Variants in BACH1 observed in about 807,000 individuals in gnomAD.
BACH1 encodes the protein transcription regulator protein BACH1.
A neutral mutation model predicts 52.9 loss-of-function variants in BACH1; 35 were observed. That is an observed-to-expected ratio of 0.66 (90% CI 0.51 to 0.88). BACH1 has a LOEUF of 0.88. Ranked by LOEUF, BACH1 falls within the 40% of genes least tolerant of loss-of-function variation. The pLI, the probability that BACH1 is intolerant of heterozygous loss-of-function variation, is 0.00. For missense variants in BACH1, 808 were observed against 872.6 expected, an observed-to-expected ratio of 0.93 and a Z score of 0.93; for synonymous variants, 321 against 319.6, an observed-to-expected ratio of 1.00 and a Z score of -0.05.
chr21:29,301,855 A>G (rs1032748682), intron 1 of BACH1, among the ~76,000 whole-genome samples: 2 of 152,166 alleles, frequency 1.3e-5, no homozygotes, highest in Admixed American at 1.3e-4. Context: ...TCCCTTGGGA[A>G]GTGGCATTTA....
intron 1 of BACH1, among the ~76,000 whole-genome samples, chr21:29,316,294 C>G (rs2088785817): frequency 1.3e-5 from 2 of 152,080 alleles, no homozygotes; most frequent in Admixed American, 6.6e-5. Context: ...TATATCAAAA[C>G]TTAAATTATG....
chr21:29,306,166 A>AAG (rs990040814), intron 1 of BACH1, among the ~76,000 whole-genome samples: 2 of 118,426 alleles, frequency 1.7e-5, no homozygotes, highest in Admixed American at 1.8e-4. Flanking sequence ...TTGGGTCAGG[A>AAG]AGAGTGTGTG....
At chr21:29,317,864 C>T (rs2088806250) in intron 1 of BACH1, among the ~76,000 whole-genome samples, 1 of 152,064 alleles carries the variant, frequency 6.6e-6, no homozygotes, top group African/African-American at 2.4e-5. Context: ...GTGGTGTTTT[C>T]TCTACTTTAT....
intron 4 of BACH1, among the ~76,000 whole-genome samples, chr21:29,336,935 G>A (rs1459098736): frequency 6.6e-6 from 1 of 152,102 alleles, no homozygotes; most frequent in African/African-American, 2.4e-5. Flanking sequence ...GCCTCCCAAA[G>A]TGCTGGGATT....
chr21:29,310,278 AG>A (rs766949013), intron 1 of BACH1, among the ~76,000 whole-genome samples: 4 of 152,220 alleles, frequency 2.6e-5, no homozygotes, highest in Admixed American at 6.5e-5. Flanking sequence ...GTTTGTTTAT[AG>A]TTATTTATTC....
At chr21:29,356,711 G>A (rs558125675) in intron 2 of BACH1, among the ~76,000 whole-genome samples, 50 of 152,372 alleles carry the variant, frequency 3.3e-4, no homozygotes, top group Non-Finnish European at 5.7e-4. Flanking sequence ...TTCGGGCTAC[G>A]CCCTTGTTTA....
chr21:29,341,696 T>C (rs2089115279), intron 4 of BACH1, among the ~76,000 whole-genome samples: 1 of 152,214 alleles, frequency 6.6e-6, no homozygotes, highest in Non-Finnish European at 1.5e-5. Flanking sequence ...ACCCACCGGC[T>C]GTCTCTAGGC....
intron 1 of BACH1, among the ~76,000 whole-genome samples, chr21:29,317,955 C>G (rs1048413616): frequency 6.6e-6 from 1 of 151,812 alleles, no homozygotes; most frequent in Non-Finnish European, 1.5e-5. Flanking sequence ...GGATTTGAAC[C>G]CAGACAGTGT....
intron 2 of BACH1, among the ~76,000 whole-genome samples, chr21:29,353,144 G>A (rs1172903075): frequency 6.6e-6 from 1 of 152,186 alleles, no homozygotes; most frequent in Non-Finnish European, 1.5e-5. Flanking sequence ...ACCGTGCCTG[G>A]CCGGTTACAG....
chr21:29,356,608 GTAAT>G (rs1242839290), intron 2 of BACH1, among the ~76,000 whole-genome samples: 1 of 152,226 alleles, frequency 6.6e-6, no homozygotes, highest in African/African-American at 2.4e-5. Context: ...CCTTTGTATG[GTAAT>G]TAATTAAGAT....
rs117247059 is a variant in BACH1 at position 29,341,274 on chromosome 21, G to A, written c.1777-1125G>A. On this transcript the variant is annotated intron_variant, in intron 4 of 4. Coordinates refer to ENST00000286800, the MANE Select transcript of BACH1 (RefSeq NM_001186.4). ...GCACTATGAACTAACTTGTCTCAAGGTTAACTGGCAGCCTCAACTCTCCAG... is the reference window on the plus strand; with the variant it reads ...GCACTATGAACTAACTTGTCTCAAGATTAACTGGCAGCCTCAACTCTCCAG... 4.1e-4 allele frequency among the ~76,000 whole-genome samples: 62 copies of A among 152,248 alleles called. 2 individuals carry two copies. In the East Asian group the frequency reaches 0.011, roughly 28 times the overall value.
chr21:29,310,327 G>T (rs986959646), intron 1 of BACH1, among the ~76,000 whole-genome samples: 1 of 152,222 alleles, frequency 6.6e-6, no homozygotes, highest in Admixed American at 6.5e-5. Flanking sequence ...TGTATTTATG[G>T]TTAAGAATTT....
chr21:29,318,897 A>G (rs951820307), intron 1 of BACH1, among the ~76,000 whole-genome samples: 1 of 151,966 alleles, frequency 6.6e-6, no homozygotes, highest in African/African-American at 2.4e-5. Context: ...TTTTAGTCAT[A>G]TCCAGCTCCC....
At position 29,345,067 on chromosome 21, in the gene BACH1, AATTTAGCATTACTTT is replaced by A. The variant is rs1227297834; in HGVS notation, c.*2236_*2250del. The A allele has an allele frequency of 4.6e-5, 7 of 152,636 alleles. No individual in the cohort carries two copies. Among genetic ancestry groups the A allele is most frequent in the African/African-American group, 1.7e-4 (7 of 41,450 alleles). 9.5% of individuals were successfully genotyped at this position (152,636 alleles called of 1,614,324 possible). On this transcript the variant is annotated 3_prime_UTR_variant, in exon 5 of 5. Transcript: ENST00000286800. ...TTATTGGCCAAGTGTAATTTCTTAA[AATTTAGCATTACTTT>A]AAATAGCCAGCATGTAATACAAGTA...
At chr21:29,329,378 A>G in intron 3 of BACH1, 109 bp from the exon 4 acceptor site, 2 of 871,714 alleles carry the variant, frequency 2.3e-6, no homozygotes, top group Non-Finnish European at 3.3e-6. Context: ...TGTTTTCTTT[A>G]ATGTAAAATA....
chr21:29,332,763 G>A (rs1322251830), intron 4 of BACH1, among the ~76,000 whole-genome samples: 1 of 152,206 alleles, frequency 6.6e-6, no homozygotes, highest in Non-Finnish European at 1.5e-5. Flanking sequence ...TACTGTTTTA[G>A]TCAGTTCTGA....
intron 4 of BACH1, among the ~76,000 whole-genome samples, chr21:29,335,254 G>A (rs2089031140): frequency 6.6e-6 from 1 of 152,182 alleles, no homozygotes; most frequent in African/African-American, 2.4e-5. Context: ...ACTAATGTGG[G>A]ATAAGAGTAA....
In BACH1 at chr21:29,329,640, C is replaced by T. The variant is rs776374291; in HGVS notation, c.1723C>T (p.Arg575Cys). ...SKNRIAAQRCRKRKLDCIQNL... is the reference protein window; with the variant it reads ...SKNRIAAQRCCKRKLDCIQNL... Reference sequence around the variant, plus strand: ...AAACAGAATTGCTGCACAGCGCTGTCGCAAGAGAAAACTTGACTGTATACA... The same window carrying T: ...AAACAGAATTGCTGCACAGCGCTGTTGCAAGAGAAAACTTGACTGTATACA... The change falls in exon 4 of 5, where the codon CGC becomes TGC. Residue 575 changes from arginine (R) to cysteine (C), a missense_variant. Physicochemically the swap from Arg to Cys is radical, Grantham distance 180. Coordinates refer to ENST00000286800, the MANE Select transcript of BACH1 (RefSeq NM_001186.4). 6.3e-6 allele frequency: 10 copies of T among 1,597,230 alleles called. No homozygotes were observed. The Admixed American group carries it at 7.1e-5, about 11-fold the overall frequency.
chr21:29,325,567 TA>T lies in BACH1; in HGVS notation c.235-491del, dbSNP rs5843378. Among the ~76,000 whole-genome samples the T allele has an allele frequency of 8.5e-3, 1,299 of 152,366 alleles. 22 individuals carry two copies. Among genetic ancestry groups the T allele is most frequent in the African/African-American group, 0.03 (1,236 of 41,594 alleles). On this transcript the variant is annotated intron_variant, in intron 2 of 4. Transcript: ENST00000286800. The stretch of plus-strand genomic sequence containing the variant: ...TAATAGTTACCAGTTAGTATGCATT[TA>T]CCATGGATCAAGACTTTGTAACTGC...
Sources: gnomAD v4.1 joint callset for allele counts (sites outside exome capture counted in the v4.1 genomes callset) on GRCh38, gnomAD v4.1.1 for gene constraint, MANE v1.5 for transcripts, NCBI Gene and HGNC (gene_info 2026-07-23, HGNC 2026-07-21) for gene names.